MCM3: variants seen among roughly 807,000 people sequenced by gnomAD.
The protein encoded by MCM3 is DNA replication licensing factor MCM3.
In MCM3, 59 loss-of-function variants were observed where a neutral mutation model predicts 91.3. The observed-to-expected ratio is 0.65, with a 90% CI of 0.52 to 0.80. The LOEUF (loss-of-function observed/expected upper bound fraction) is 0.80, where lower values mean the gene tolerates loss of function less well. Among genes scored for constraint, MCM3 ranks in the 30% least tolerant of loss-of-function variants. The probability of loss-of-function intolerance (pLI) is 0.00; values close to 1 mark genes in which losing one functional copy is unlikely to be tolerated. For missense variants in MCM3, 919 were observed against 1,035.4 expected (o/e 0.89, Z 1.54); for synonymous variants, 383 against 379.6 (o/e 1.01, Z -0.10).
At chr6:52,268,606 G>A (rs1764832945) in intron 13 of MCM3, among the ~76,000 whole-genome samples, 1 of 152,144 alleles carries the variant, frequency 6.6e-6, no homozygotes, top group Admixed American at 6.5e-5. Context: ...GAGGTGCAAT[G>A]TCACAAACAG....
At chr6:52,266,319 T>C (rs960190130) in intron 15 of MCM3, among the ~76,000 whole-genome samples, 175 bp from the exon 16 acceptor site, 15 of 152,276 alleles carry the variant, frequency 9.9e-5, no homozygotes, top group Admixed American at 3.3e-4. Context: ...GAAATCTTCA[T>C]TGGATGATGA....
Position 52,276,228 on chromosome 6 carries a change from A to G in MCM3, c.1374+40T>C, listed in dbSNP as rs1202383017. ...CAGCCCAGTTAGTCAGCAAAACCAA[A>G]TGAAGGTGAGGACAATGGTTGGGGC... On this transcript the variant is annotated intron_variant, in intron 9 of 16. Transcript: ENST00000596288. The G allele has an allele frequency of 4.5e-6, 7 of 1,561,220 alleles. No homozygotes were observed. The East Asian group carries it at 1.6e-4, about 36-fold the overall frequency.
In MCM3 at chr6:52,284,724, G is replaced by A. The variant is rs754693352; in HGVS notation, c.-50C>T. 8.3e-6 allele frequency: 13 copies of A among 1,572,918 alleles called. No homozygotes were observed. The highest frequency in any genetic ancestry group is 1.9e-5 in the Admixed American group (1 of 53,020). ...ACCAAAGTCGCGTGGAGGTTCCCAG[G>A]ATGACTCCACCCCGGCGCGAAAACT... On this transcript the variant is annotated 5_prime_UTR_variant, in exon 1 of 17. Coordinates refer to ENST00000596288, the MANE Select transcript of MCM3 (RefSeq NM_002388.6).
Position 52,279,422 on chromosome 6 carries a change from C to T in MCM3, c.709G>A (p.Val237Met). ...GGAAGGCAACGGTAGGTTCCCACCA[C>T]CTGAACCCGGTCACCAGGCTTCGCT... ...DKAKPGDRVQVVGTYRCLPGK... is the reference protein window; with the variant it reads ...DKAKPGDRVQMVGTYRCLPGK... The change falls in exon 5 of 17, where the codon GTG becomes ATG. Residue 237 changes from valine (V) to methionine (M), a missense_variant. Physicochemically the swap from Val to Met is conservative, Grantham distance 21. Transcript: ENST00000596288. The T allele has an allele frequency of 6.2e-7, 1 of 1,614,212 alleles. No homozygotes were observed. Among genetic ancestry groups the T allele is most frequent in the Non-Finnish European group, 8.5e-7 (1 of 1,180,048 alleles).
chr6:52,283,308 C>A lies in MCM3; in HGVS notation c.177G>T (p.Glu59Asp). 8 of 1,614,062 alleles carry A rather than the reference C, an allele frequency of 5.0e-6. No individual in the cohort carries two copies. The highest frequency in any genetic ancestry group is 6.8e-6 in the Non-Finnish European group (8 of 1,179,970). The change falls in exon 2 of 17, where the codon GAG becomes GAT. Residue 59 changes from glutamate to aspartate, a missense_variant. By Grantham distance (45) the Glu-to-Asp change is conservative (BLOSUM62 2). Transcript: ENST00000596288. ...TTGCCTCTCACCGGTTAGCCCTCTT[C>A]TCGTTTTTCCTGCGCAGGTCATTCA... ...VNVNDLRRKN[E>D]KRANRLLNNA...
intron 9 of MCM3, 128 bp from the exon 10 acceptor site, chr6:52,274,044 G>C: frequency 1.5e-6 from 1 of 662,884 alleles, no homozygotes; most frequent in Non-Finnish European, 2.5e-6. Flanking sequence ...AAAAAGCAGT[G>C]AAAAAGGGAA....
intron 3 of MCM3, 36 bp downstream of exon 3, chr6:52,282,617 A>C (rs370075318): frequency 8.1e-6 from 13 of 1,596,632 alleles, no homozygotes; most frequent in African/African-American, 1.3e-5. Flanking sequence ...CTCCCTGTCT[A>C]TTCATTTCCT....
At chr6:52,273,164 T>A in intron 11 of MCM3, 66 bp downstream of exon 11, 1 of 1,596,320 alleles carries the variant, frequency 6.3e-7, no homozygotes, top group East Asian at 2.2e-5. Context: ...TAAGCTTAGA[T>A]ATACACATGC....
Position 52,272,300 on chromosome 6 carries a change from C to A in MCM3, c.1827+1G>T. 1 of 1,613,948 alleles carries A rather than the reference C, an allele frequency of 6.2e-7. No individual in the cohort carries two copies. Among genetic ancestry groups the A allele is most frequent in the Non-Finnish European group, 8.5e-7 (1 of 1,179,920 alleles). Reference sequence around the variant, plus strand: ...AAGCCTAGGCTCCCCCAGGCACTCACCCTGGCGGTGTCTGAGCTCATGCTA... The same window carrying A: ...AAGCCTAGGCTCCCCCAGGCACTCAACCTGGCGGTGTCTGAGCTCATGCTA... On this transcript the variant is annotated splice_donor_variant, in intron 12 of 16. Coordinates refer to ENST00000596288, the MANE Select transcript of MCM3 (RefSeq NM_002388.6). LOFTEE classifies it high-confidence loss of function.
At chr6:52,278,130 A>G (rs1178411709) in intron 6 of MCM3, among the ~76,000 whole-genome samples, 1 of 150,628 alleles carries the variant, frequency 6.6e-6, no homozygotes, top group East Asian at 1.9e-4. Context: ...AAACAGGTAC[A>G]TTGTTCCTAA....
Position 52,273,776 on chromosome 6 carries a change from G to A in MCM3, c.1515C>T (p.His505=). 2 of 1,613,544 alleles carry A rather than the reference G, an allele frequency of 1.2e-6. No individual in the cohort carries two copies. The highest frequency in any genetic ancestry group is 1.7e-6 in the Non-Finnish European group (2 of 1,179,890). The change falls in exon 10 of 17, where the codon CAC becomes CAT. Residue 505 remains histidine, a synonymous_variant. Transcript: ENST00000596288. The part of the protein sequence containing the change: ...REISDHVLRM[H]RYRAPGEQDG... Reference sequence around the variant, plus strand: ...CCTGCTCCCCAGGTGCTCTGTAACGGTGCATCCGAAGGACATGGTCTGAGA... The same window carrying A: ...CCTGCTCCCCAGGTGCTCTGTAACGATGCATCCGAAGGACATGGTCTGAGA...
chr6:52,273,286 C>G lies in MCM3; in HGVS notation c.1620G>C (p.Gln540His). Reference sequence around the variant, plus strand: ...CATGCTTCTCATAAATCTGGGTGTCCTGCTGATCTTCCTGGCTAAAGTTGG... The same window carrying G: ...CATGCTTCTCATAAATCTGGGTGTCGTGCTGATCTTCCTGGCTAAAGTTGG... ...DDPNFSQEDQ[Q>H]DTQIYEKHDN... Residue 540 changes from glutamine to histidine, a missense_variant, in exon 11 of 17, where the codon CAG becomes CAC. Gln to His is a conservative substitution (Grantham distance 24). Around this residue, in one of 3 missense-constraint regions of MCM3, gnomAD observed 233 missense variants for 321.2 expected, o/e 0.73. Coordinates refer to ENST00000596288, the MANE Select transcript of MCM3 (RefSeq NM_002388.6). The G allele has an allele frequency of 6.2e-7, 1 of 1,614,204 alleles. No individual in the cohort carries two copies. The highest frequency in any genetic ancestry group is 1.3e-5 in the African/African-American group (1 of 75,050).
chr6:52,276,980 G>T (rs1001959010), intron 8 of MCM3, 87 bp downstream of exon 8: 1 of 1,493,632 alleles, frequency 6.7e-7, no homozygotes, highest in African/African-American at 1.4e-5. Context: ...CCTATCAGCT[G>T]TATCTTCAGA....
intron 4 of MCM3, among the ~76,000 whole-genome samples, chr6:52,281,381 T>C (rs968665722): frequency 3.9e-5 from 6 of 152,132 alleles, no homozygotes; most frequent in Non-Finnish European, 8.8e-5. Context: ...CTTAAAAAAA[T>C]AATAAGAGTT....
chr6:52,282,652 C>T lies in MCM3; in HGVS notation c.400+1G>A. 1 of 1,612,820 alleles carries T rather than the reference C, an allele frequency of 6.2e-7. No homozygotes were observed. The highest frequency in any genetic ancestry group is 8.5e-7 in the Non-Finnish European group (1 of 1,179,958). ...TAAGCGGCCCCCTTTAACCCACTTA[C>T]ATTTAGTGACAATGCCCTCCACACA... On this transcript the variant is annotated splice_donor_variant, in intron 3 of 16. Transcript: ENST00000596288. LOFTEE classifies it high-confidence loss of function.
At position 52,284,736 on chromosome 6, in the gene MCM3, C is replaced by G; in HGVS notation, c.-62G>C. 1 of 1,554,802 alleles carries G rather than the reference C, an allele frequency of 6.4e-7. No individual in the cohort carries two copies. The highest frequency in any genetic ancestry group is 8.7e-7 in the Non-Finnish European group (1 of 1,151,652). ...TGGAGGTTCCCAGGATGACTCCACCCCGGCGCGAAAACTTCCGAACTCTTC... is the reference window on the plus strand; with the variant it reads ...TGGAGGTTCCCAGGATGACTCCACCGCGGCGCGAAAACTTCCGAACTCTTC... On this transcript the variant is annotated 5_prime_UTR_variant, in exon 1 of 17. Coordinates refer to ENST00000596288, the MANE Select transcript of MCM3 (RefSeq NM_002388.6).
At chr6:52,275,989 G>A (rs17239993) in intron 9 of MCM3, 5,439 of 383,636 alleles carry the variant, frequency 0.014, 154 homozygotes, top group African/African-American at 0.066. Flanking sequence ...CCACATGCAT[G>A]TAGTCCTTTT....
intron 4 of MCM3, 132 bp from the exon 5 acceptor site, chr6:52,279,731 T>C: frequency 1.5e-6 from 1 of 685,768 alleles, no homozygotes; most frequent in Non-Finnish European, 2.5e-6. Flanking sequence ...AAGTACCTTC[T>C]CTAGCTTTTT....
intron 13 of MCM3, among the ~76,000 whole-genome samples, chr6:52,268,697 A>G (rs1459457389): frequency 1.3e-5 from 2 of 152,208 alleles, no homozygotes; most frequent in Admixed American, 6.5e-5. Context: ...GGACATTTGA[A>G]GAGACTACCA....
Sources: allele counts gnomAD v4.1 joint callset (sites outside exome capture counted in the v4.1 genomes callset), GRCh38; gene constraint gnomAD v4.1.1; regional missense constraint gnomAD v4.1.1; transcripts MANE v1.5; gene names NCBI Gene and HGNC (gene_info 2026-07-23, HGNC 2026-07-21).